Variants in EML4 observed in about 807,000 individuals in gnomAD.
EML4 encodes the protein EMAP like 4, also known as echinoderm microtubule-associated protein-like 4.
A neutral mutation model predicts 129.0 loss-of-function variants in EML4; 72 were observed. The ratio of observed to expected loss-of-function variants is 0.56; its 90% CI spans 0.46 to 0.68. The LOEUF (loss-of-function observed/expected upper bound fraction) is 0.68. Among genes scored for constraint, EML4 ranks in the 30% least tolerant of loss-of-function variants. The pLI is 0.00. For missense variants in EML4, 1,363 were observed against 1,190.6 expected, an observed-to-expected ratio of 1.14 and a Z score of -2.13; for synonymous variants, 532 against 405.0, an observed-to-expected ratio of 1.31 and a Z score of -3.77.
rs1388611973 is a variant in EML4, at chr2:42,303,435, A to G, written c.1888A>G (p.Arg630Gly). The G allele has an allele frequency of 6.2e-7, 1 of 1,613,790 alleles. No homozygotes were observed. The highest frequency in any genetic ancestry group is 8.5e-7 in the Non-Finnish European group (1 of 1,179,784). ...NSMEHRLEWT[R>G]LVDEPGHCAD... ...AATGGAACACAGGCTGGAATGGACC[A>G]GGCTGGTAGATGTGAGTGAAGCAGG... Residue 630 changes from arginine to glycine, a missense_variant, in exon 16 of 23, where the codon AGG becomes GGG. Arg to Gly is a moderately radical substitution (Grantham distance 125). Transcript: ENST00000318522.
At chr2:42,294,926 G>A (rs1667859551) in intron 11 of EML4, among the ~76,000 whole-genome samples, 199 bp from the exon 12 acceptor site, 2 of 152,118 alleles carry the variant, frequency 1.3e-5, no homozygotes, top group Non-Finnish European at 2.9e-5. Context: ...CATAAAAGGT[G>A]ATACGATAAT....
chr2:42,206,080 T>C (rs1219722361), intron 1 of EML4, among the ~76,000 whole-genome samples: 3 of 152,224 alleles, frequency 2.0e-5, no homozygotes, highest in African/African-American at 7.2e-5. Context: ...TGACATTTCT[T>C]ATAAAAGTAA....
At chr2:42,242,800 T>C (rs1342323102) in intron 1 of EML4, among the ~76,000 whole-genome samples, 2 of 151,978 alleles carry the variant, frequency 1.3e-5, no homozygotes, top group Non-Finnish European at 2.9e-5. Context: ...GGTCTTCCTC[T>C]GTCACCCAGG....
At chr2:42,289,374 T>C (rs1572697078) in intron 11 of EML4, 2 of 152,350 alleles carry the variant, frequency 1.3e-5, no homozygotes, top group South Asian at 4.1e-4. Flanking sequence ...CAGAGTTTTA[T>C]TCCACATGCT....
At chr2:42,250,938 C>T (rs1401393770) in intron 2 of EML4, among the ~76,000 whole-genome samples, 1 of 152,146 alleles carries the variant, frequency 6.6e-6, no homozygotes, top group African/African-American at 2.4e-5. Flanking sequence ...GCATTAGATT[C>T]TCATAGGAGC....
chr2:42,314,977 A>G (rs893433516), intron 17 of EML4, among the ~76,000 whole-genome samples: 1 of 152,258 alleles, frequency 6.6e-6, no homozygotes, highest in Non-Finnish European at 1.5e-5. Flanking sequence ...GAATGAAAAG[A>G]TACCTCTTTC....
intron 17 of EML4, among the ~76,000 whole-genome samples, chr2:42,307,902 G>T (rs1668700543): frequency 6.6e-6 from 1 of 152,158 alleles, no homozygotes; most frequent in African/African-American, 2.4e-5. Flanking sequence ...TGATCACCTT[G>T]CCTGGGCCTC....
intron 1 of EML4, among the ~76,000 whole-genome samples, chr2:42,233,645 A>G (rs1281066899): frequency 6.6e-6 from 1 of 152,134 alleles, no homozygotes; most frequent in Non-Finnish European, 1.5e-5. Flanking sequence ...TGCAGTTAAT[A>G]TTTTCAAACA....
intron 17 of EML4, among the ~76,000 whole-genome samples, chr2:42,305,779 G>C (rs1312104013): frequency 1.3e-5 from 2 of 152,110 alleles, no homozygotes; most frequent in Admixed American, 6.5e-5. Flanking sequence ...AATGGGGTGA[G>C]ACTATTGTGA....
chr2:42,290,591 G>A (rs921261714), intron 11 of EML4, among the ~76,000 whole-genome samples: 2 of 151,730 alleles, frequency 1.3e-5, no homozygotes, highest in East Asian at 1.9e-4. Context: ...AAATAGCAGG[G>A]TATGGTGGTG....
In EML4 at chr2:42,330,017, C is replaced by G. The variant is rs1442658942; in HGVS notation, c.2756C>G (p.Ser919Cys). Reference sequence around the variant, plus strand: ...GAAGAGGAAAGTAGAATAAGCAGTTCTCCCACACTTCTGGAGAACAGCCTG... The same window carrying G: ...GAAGAGGAAAGTAGAATAAGCAGTTGTCCCACACTTCTGGAGAACAGCCTG... ...TAEEESRISS[S>C]PTLLENSLEQ... Residue 919 changes from serine (S) to cysteine (C), a missense_variant, in exon 23 of 23, where the codon TCT becomes TGT. Coordinates refer to ENST00000318522, the MANE Select transcript of EML4 (RefSeq NM_019063.5). The G allele has an allele frequency of 6.2e-7, 1 of 1,613,836 alleles. No homozygotes were observed. The highest frequency in any genetic ancestry group is 2.2e-5 in the East Asian group (1 of 44,882).
At position 42,331,681 on chromosome 2, in the gene EML4, A is replaced by T. The variant is rs1670108105; in HGVS notation, c.*1474A>T. On this transcript the variant is annotated 3_prime_UTR_variant, in exon 23 of 23. Transcript: ENST00000318522. ...TGCATCAGAACTGTCATTCCCTTCT[A>T]ATATCTTCTCAGGAGTAATACAAAT... The T allele has an allele frequency of 4.5e-6, 1 of 220,994 alleles. No individual in the cohort carries two copies. Among genetic ancestry groups the T allele is most frequent in the South Asian group, 1.9e-4 (1 of 5,398 alleles). The allele number at this position is 220,994 out of a possible 1,614,324, so 13.7% of individuals were successfully genotyped here.
chr2:42,208,773 G>T (rs1212025648), intron 1 of EML4, among the ~76,000 whole-genome samples: 5 of 146,472 alleles, frequency 3.4e-5, no homozygotes, highest in Non-Finnish European at 7.5e-5. Flanking sequence ...ACTTTTTTGA[G>T]ACAGGGTCTC....
chr2:42,230,665 G>A (rs972748650), intron 1 of EML4, among the ~76,000 whole-genome samples: 1 of 152,028 alleles, frequency 6.6e-6, no homozygotes, highest in African/African-American at 2.4e-5. Context: ...CTCAGCCTCC[G>A]AAAGTGCTGG....
At chr2:42,293,205 C>T (rs1021807164) in intron 11 of EML4, among the ~76,000 whole-genome samples, 14 of 151,530 alleles carry the variant, frequency 9.2e-5, no homozygotes, top group African/African-American at 3.2e-4. Flanking sequence ...AACTCCTGGG[C>T]TCAAATGAAT....
chr2:42,213,290 CTT>C (rs1233842287), intron 1 of EML4, among the ~76,000 whole-genome samples: 2 of 152,174 alleles, frequency 1.3e-5, no homozygotes, highest in East Asian at 3.8e-4. Flanking sequence ...TGACCACTCT[CTT>C]GACTTCTAAC....
intron 19 of EML4, among the ~76,000 whole-genome samples, chr2:42,318,198 C>G (rs1669341127): frequency 6.6e-6 from 1 of 152,202 alleles, no homozygotes; most frequent in Non-Finnish European, 1.5e-5. Flanking sequence ...GGCAGTGTAG[C>G]ACAGTGGTTA....
intron 14 of EML4, 118 bp downstream of exon 14, chr2:42,301,510 C>A: frequency 1.2e-6 from 1 of 821,476 alleles, no homozygotes; most frequent in African/African-American, 1.8e-5. Flanking sequence ...ATTTCATTTC[C>A]TTTCCTCAAG....
intron 1 of EML4, among the ~76,000 whole-genome samples, chr2:42,206,711 T>A (rs1672568387): frequency 6.6e-6 from 1 of 152,232 alleles, no homozygotes. Flanking sequence ...ATATGCATTT[T>A]TGGCACGTAT....
Sources: gnomAD v4.1 joint callset for allele counts (sites outside exome capture counted in the v4.1 genomes callset) on GRCh38, gnomAD v4.1.1 for gene constraint, MANE v1.5 for transcripts, NCBI Gene and HGNC (gene_info 2026-07-23, HGNC 2026-07-21) for gene names.